The following XKR9 variants were observed in gnomAD, a reference collection of about 807,000 sequenced individuals.
XKR9 encodes the protein XK-related protein 9.
XKR9 carries 32 observed loss-of-function variants against 32.0 expected under a neutral mutation model. That is an observed-to-expected ratio of 1.00 (90% CI 0.76 to 1.34). XKR9 has a LOEUF of 1.34. Ranked by LOEUF, XKR9 falls within the 40% of genes most tolerant of loss-of-function variation. The pLI is 0.00. For missense variants in XKR9, 546 were observed against 429.7 expected, an observed-to-expected ratio of 1.27 and a Z score of -2.39; for synonymous variants, 168 against 143.4, an observed-to-expected ratio of 1.17 and a Z score of -1.22.
chr8:70,908,002 T>C, the XKR9 span, among the ~76,000 whole-genome samples: 3 of 152,220 alleles, frequency 2.0e-5, no homozygotes, highest in Admixed American at 2.0e-4. Flanking sequence ...ATGCATAATT[T>C]ACTCTTAATT....
the XKR9 span, among the ~76,000 whole-genome samples, chr8:70,830,442 C>G: frequency 6.6e-6 from 1 of 151,330 alleles, no homozygotes. Flanking sequence ...GAAATATCAG[C>G]TGAGAGTCGT....
the XKR9 span, among the ~76,000 whole-genome samples, chr8:70,937,033 A>C: frequency 1.3e-5 from 2 of 151,958 alleles, no homozygotes; most frequent in South Asian, 2.1e-4. Context: ...TTGATATATG[A>C]GAGGTTCCGG....
chr8:70,738,024 GA>G (rs1806895985), downstream of XKR9, among the ~76,000 whole-genome samples: 1 of 116,050 alleles, frequency 8.6e-6, no homozygotes, highest in South Asian at 2.4e-4. Flanking sequence ...CTATTGAGTG[GA>G]ATAGTTTCAG....
intron 3 of XKR9, among the ~76,000 whole-genome samples, chr8:70,694,437 A>T (rs1412907659): frequency 6.6e-6 from 1 of 150,884 alleles, no homozygotes; most frequent in African/African-American, 2.4e-5. Flanking sequence ...TCAGCTGGAA[A>T]GCTTTGTTGG....
chr8:70,699,417 T>G (rs372321021), intron 3 of XKR9, among the ~76,000 whole-genome samples: 8 of 152,024 alleles, frequency 5.3e-5, no homozygotes, highest in Non-Finnish European at 1.2e-4. Flanking sequence ...GTCTGTAAAG[T>G]ATTTTATTTC....
chr8:70,870,142 C>A, the XKR9 span, among the ~76,000 whole-genome samples: 4 of 152,100 alleles, frequency 2.6e-5, no homozygotes, highest in Non-Finnish European at 5.9e-5. Context: ...CTTGTAAGGT[C>A]TTAACTAGTA....
the XKR9 span, among the ~76,000 whole-genome samples, chr8:71,030,758 G>A: frequency 3.9e-5 from 6 of 152,134 alleles, no homozygotes; most frequent in East Asian, 1.2e-3. Flanking sequence ...TAATTCCCAA[G>A]TGACTTTTTA....
intron 4 of XKR9, among the ~76,000 whole-genome samples, chr8:70,729,193 C>G (rs904741183): frequency 6.6e-6 from 1 of 152,142 alleles, no homozygotes; most frequent in Non-Finnish European, 1.5e-5. Context: ...TCTTATGGCA[C>G]TTATGCAAAT....
At position 70,677,301 on chromosome 8, in the gene XKR9, A is replaced by G. The variant is rs1310526987; in HGVS notation, c.-279+2402A>G. ...GCTGACACTACAGGAGCACACTACC[A>G]TGCCTGGCTAATTTTTGTATTTTTT... On this transcript the variant is annotated intron_variant, in intron 2 of 4. Transcript: ENST00000408926. Among the ~76,000 whole-genome samples, 7 of 150,672 alleles carry G rather than the reference A, an allele frequency of 4.6e-5. No homozygotes were observed. The East Asian group carries it at 1.4e-3, about 29-fold the overall frequency.
chr8:70,886,308 G>C, the XKR9 span, among the ~76,000 whole-genome samples: 1 of 152,156 alleles, frequency 6.6e-6, no homozygotes, highest in Non-Finnish European at 1.5e-5. Context: ...CATTTGGGTT[G>C]ATTCCAAGTC....
At chr8:70,829,625 T>A in the XKR9 span, among the ~76,000 whole-genome samples, 6 of 152,178 alleles carry the variant, frequency 3.9e-5, no homozygotes, top group Admixed American at 3.9e-4. Flanking sequence ...ATTTTTTGTA[T>A]TTTTAGTAGA....
chr8:70,727,327 GT>G (rs34535585), intron 4 of XKR9, among the ~76,000 whole-genome samples: 46,910 of 142,972 alleles, frequency 0.33, 8,341 homozygotes, highest in Non-Finnish European at 0.43. Flanking sequence ...AAGAAGACAA[GT>G]TTTTTTTTTT....
the XKR9 span, among the ~76,000 whole-genome samples, chr8:70,912,519 A>T: frequency 6.6e-6 from 1 of 152,298 alleles, no homozygotes; most frequent in East Asian, 1.9e-4. Flanking sequence ...ATAGCAATTC[A>T]TGGAGATAGG....
At chr8:70,845,742 A>C in the XKR9 span, among the ~76,000 whole-genome samples, 7 of 152,262 alleles carry the variant, frequency 4.6e-5, no homozygotes, top group South Asian at 1.5e-3. Context: ...TAACCTAGTC[A>C]AACAAAAACA....
the XKR9 span, among the ~76,000 whole-genome samples, chr8:70,891,022 C>G: frequency 6.6e-6 from 1 of 151,804 alleles, no homozygotes; most frequent in African/African-American, 2.4e-5. Flanking sequence ...TCAATCTTGG[C>G]AGTTTGTATG....
At chr8:71,019,351 A>T in the XKR9 span, among the ~76,000 whole-genome samples, 1 of 152,222 alleles carries the variant, frequency 6.6e-6, no homozygotes, top group African/African-American at 2.4e-5. Flanking sequence ...CTAGTTCTTA[A>T]TTTTGGTGTT....
At chr8:71,010,277 G>A in the XKR9 span, among the ~76,000 whole-genome samples, 1 of 152,212 alleles carries the variant, frequency 6.6e-6, no homozygotes, top group Non-Finnish European at 1.5e-5. Flanking sequence ...CTACTCCACT[G>A]CTTCACCTGA....
At chr8:70,746,381 A>C (rs1489016379) in intron 2 of XKR9, among the ~76,000 whole-genome samples, 1 of 147,654 alleles carries the variant, frequency 6.8e-6, no homozygotes, top group Non-Finnish European at 1.5e-5. Context: ...ATAATATAAA[A>C]TATAATTATA....
chr8:70,807,611 T>C, the XKR9 span, among the ~76,000 whole-genome samples: 3 of 152,082 alleles, frequency 2.0e-5, no homozygotes, highest in African/African-American at 4.8e-5. Flanking sequence ...GGGCTTGCAA[T>C]CCTAGTCTCT....
Sources: allele counts gnomAD v4.1 joint callset (sites outside exome capture counted in the v4.1 genomes callset), GRCh38; gene constraint gnomAD v4.1.1; transcripts MANE v1.5; gene names NCBI Gene and HGNC (gene_info 2026-07-23, HGNC 2026-07-21).